The following HECTD4 variants were observed in gnomAD, a reference collection of about 807,000 sequenced individuals.
HECTD4 encodes HECT domain E3 ubiquitin protein ligase 4, also known as probable E3 ubiquitin-protein ligase HECTD4.
A neutral mutation model predicts 471.5 loss-of-function variants in HECTD4; 114 were observed. That is an observed-to-expected ratio of 0.24 (90% CI 0.21 to 0.28). The LOEUF (loss-of-function observed/expected upper bound fraction) is 0.28, where lower values mean the gene tolerates loss of function less well. Ranked by LOEUF, HECTD4 falls within the 10% of genes least tolerant of loss-of-function variation. The pLI is 1.00. For missense variants in HECTD4, 3,866 were observed against 5,651.5 expected (o/e 0.68, Z 10.13); for synonymous variants, 2,012 against 2,256.0 (o/e 0.89, Z 3.07).
At chr12:112,373,099 T>C (rs990496205) in intron 1 of HECTD4, among the ~76,000 whole-genome samples, 54 of 152,124 alleles carry the variant, frequency 3.5e-4, no homozygotes, top group African/African-American at 1.3e-3. Flanking sequence ...CTCTTTTAGA[T>C]GATGATAGTA....
At chr12:112,247,108 T>G (rs768326885) in intron 28 of HECTD4, 32 bp from the exon 29 acceptor site, 1 of 1,506,234 alleles carries the variant, frequency 6.6e-7, no homozygotes, top group East Asian at 2.3e-5. Context: ...CATTGAGTTG[T>G]TCTCTAGCTT....
chr12:112,204,639 G>T lies in HECTD4; in HGVS notation c.8132-16C>A. On this transcript the variant is annotated splice_polypyrimidine_tract_variant and intron_variant, in intron 52 of 75. Coordinates refer to ENST00000682272, the MANE Select transcript of HECTD4 (RefSeq NM_001388303.1). ...TCCACCATACCTAAAAAATATAACA[G>T]CACAGGGTAACTCCCCAAAGAGTAC... The T allele has an allele frequency of 6.2e-7, 1 of 1,605,386 alleles. No individual in the cohort carries two copies. Among genetic ancestry groups the T allele is most frequent in the Non-Finnish European group, 8.5e-7 (1 of 1,174,024 alleles).
chr12:112,371,929 G>C (rs917198237), intron 1 of HECTD4, among the ~76,000 whole-genome samples: 2 of 149,544 alleles, frequency 1.3e-5, no homozygotes, highest in Non-Finnish European at 3.0e-5. Flanking sequence ...ATTCCGCAGG[G>C]ATCACCAACC....
At chr12:112,306,594 C>T (rs996927835) in intron 6 of HECTD4, among the ~76,000 whole-genome samples, 2 of 152,102 alleles carry the variant, frequency 1.3e-5, no homozygotes, top group African/African-American at 4.8e-5. Flanking sequence ...GCAACACTTT[C>T]TGAAATTTCT....
intron 1 of HECTD4, among the ~76,000 whole-genome samples, chr12:112,376,339 T>C (rs942405085): frequency 9.9e-5 from 15 of 152,016 alleles, no homozygotes; most frequent in African/African-American, 1.9e-4. Flanking sequence ...CTCCGCCTCC[T>C]GGGTTCACGC....
chr12:112,277,537 A>G (rs1017819676), intron 9 of HECTD4, among the ~76,000 whole-genome samples: 11 of 152,228 alleles, frequency 7.2e-5, no homozygotes, highest in African/African-American at 2.7e-4. Flanking sequence ...TAGTGATCCC[A>G]TGGCTAAAGA....
chr12:112,284,946 C>A (rs1010273609), intron 7 of HECTD4, among the ~76,000 whole-genome samples: 2 of 152,254 alleles, frequency 1.3e-5, no homozygotes, highest in South Asian at 2.1e-4. Flanking sequence ...ATCCTCCCAC[C>A]CCAGCCTCTC....
chr12:112,311,900 G>T (rs985359077), intron 4 of HECTD4, among the ~76,000 whole-genome samples: 3 of 152,192 alleles, frequency 2.0e-5, no homozygotes, highest in Non-Finnish European at 2.9e-5. Context: ...CTCTCCTGTT[G>T]ACTCTAGTTG....
chr12:112,206,494 C>A (rs76621423), intron 52 of HECTD4, among the ~76,000 whole-genome samples: 1 of 143,750 alleles, frequency 7.0e-6, no homozygotes. Context: ...GAGACTCTCT[C>A]AAAAAAATAA....
rs116445200 is a variant in HECTD4 at position 112,176,542 on chromosome 12, T to C, written c.11470+54A>G. The C allele has an allele frequency of 2.5e-3, 3,170 of 1,267,008 alleles. 59 individuals are homozygous for C. The African/African-American group carries it at 0.04, about 16-fold the overall frequency. The allele number at this position is 1,267,008 out of a possible 1,614,324, so 78.5% of individuals were successfully genotyped here. A position where few individuals can be genotyped will look rare whatever the true frequency, so the allele number is the denominator to read the frequency against. Reference sequence around the variant, plus strand: ...GGCCTGCTCCTCGGGGGGTGCCTAGTCTCCAGGATGGAAGTAGGTCCCAGC... The same window carrying C: ...GGCCTGCTCCTCGGGGGGTGCCTAGCCTCCAGGATGGAAGTAGGTCCCAGC... On this transcript the variant is annotated intron_variant, in intron 65 of 75. Coordinates refer to ENST00000682272, the MANE Select transcript of HECTD4 (RefSeq NM_001388303.1).
In HECTD4 at chr12:112,366,514, G is replaced by A. The variant is rs575738495; in HGVS notation, c.177+15438C>T. On this transcript the variant is annotated intron_variant, in intron 1 of 75. Transcript: ENST00000682272. ...AGCCTGGACAACAAAGTGAGACCGTGTCTCTTAAAAAAGACATTGTTCTTT... is the reference window on the plus strand; with the variant it reads ...AGCCTGGACAACAAAGTGAGACCGTATCTCTTAAAAAAGACATTGTTCTTT... Among the ~76,000 whole-genome samples, 20 of 151,952 alleles carry A rather than the reference G, an allele frequency of 1.3e-4. No homozygotes were observed. In the South Asian group the frequency reaches 4.2e-3, roughly 32 times the overall value.
chr12:112,285,705 T>C (rs900130526), intron 7 of HECTD4, among the ~76,000 whole-genome samples: 4 of 152,112 alleles, frequency 2.6e-5, no homozygotes, highest in South Asian at 4.1e-4. Context: ...CGCTTCTCTA[T>C]GGCAACTCCC....
Position 112,230,738 on chromosome 12 carries a change from G to A in HECTD4, c.6285C>T (p.Leu2095=), listed in dbSNP as rs1566080591. The change falls in exon 40 of 76, where the codon CTC becomes CTT. Residue 2095 remains leucine, a synonymous_variant. Coordinates refer to ENST00000682272, the MANE Select transcript of HECTD4 (RefSeq NM_001388303.1). ...AEVIALLHSL[L]MAPESNAAQI... ...GAGCAGCATTTGATTCAGGTGCCAT[G>A]AGCAAGCTATGTAGCAAGGCGATCA... 1.2e-6 allele frequency: 2 copies of A among 1,611,132 alleles called. No homozygotes were observed. Among genetic ancestry groups the A allele is most frequent in the East Asian group, 2.2e-5 (1 of 44,830 alleles).
At chr12:112,300,496 G>C (rs186974485) in intron 7 of HECTD4, among the ~76,000 whole-genome samples, 59 of 152,062 alleles carry the variant, frequency 3.9e-4, no homozygotes, top group Admixed American at 1.9e-3. Flanking sequence ...TTTATCCTTG[G>C]TAATCTGAAA....
intron 1 of HECTD4, among the ~76,000 whole-genome samples, chr12:112,332,133 A>C (rs1297444942): frequency 6.6e-6 from 1 of 152,082 alleles, no homozygotes; most frequent in African/African-American, 2.4e-5. Context: ...TTATACCACA[A>C]GCAGAAATAG....
At chr12:112,189,640 C>T (rs1056313828) in intron 60 of HECTD4, among the ~76,000 whole-genome samples, 13 of 151,768 alleles carry the variant, frequency 8.6e-5, no homozygotes, top group Non-Finnish European at 1.6e-4. Flanking sequence ...TGACAGGGCA[C>T]GTGTCCTCTG....
At position 112,179,458 on chromosome 12, in the gene HECTD4, C is replaced by T. The variant is rs981646136; in HGVS notation, c.10988-61G>A. The T allele has an allele frequency of 1.4e-5, 19 of 1,407,074 alleles. No individual in the cohort carries two copies. Among genetic ancestry groups the T allele is most frequent in the African/African-American group, 4.3e-5 (3 of 70,344 alleles). The allele number at this position is 1,407,074 out of a possible 1,614,324, so 87.2% of individuals were successfully genotyped here. A position where few individuals can be genotyped will look rare whatever the true frequency, so the allele number is the denominator to read the frequency against. ...TGAACATGCATCGGGACAAGCCCTG[C>T]GAGCATTCTGTTTCCAAACACTGTT... On this transcript the variant is annotated intron_variant, in intron 62 of 75. Transcript: ENST00000682272. The surrounding 1 kb of genome is among the most constrained non-coding windows in gnomAD (Gnocchi z 4.3).
At chr12:112,227,893 C>G (rs2033282793) in intron 43 of HECTD4, among the ~76,000 whole-genome samples, 196 bp downstream of exon 43, 1 of 152,014 alleles carries the variant, frequency 6.6e-6, no homozygotes, top group Non-Finnish European at 1.5e-5. Flanking sequence ...TTGGGGAACG[C>G]AACAAAAATT....
At chr12:112,238,526 C>A (rs955532734) in intron 34 of HECTD4, among the ~76,000 whole-genome samples, 3 of 152,134 alleles carry the variant, frequency 2.0e-5, no homozygotes, top group African/African-American at 7.2e-5. Context: ...TTGAGACCAA[C>A]CTGGGCAACA....
Sources: allele counts gnomAD v4.1 joint callset (sites outside exome capture counted in the v4.1 genomes callset), GRCh38; gene constraint gnomAD v4.1.1; non-coding constraint Gnocchi (gnomAD v3.1); transcripts MANE v1.5; gene names NCBI Gene and HGNC (gene_info 2026-07-23, HGNC 2026-07-21).